Variants in ATP6V0A1 observed in about 807,000 individuals in gnomAD.
The protein encoded by ATP6V0A1 is V-type proton ATPase 116 kDa subunit a 1.
Under a neutral mutation model 105.4 loss-of-function variants are expected in ATP6V0A1, and 43 were observed. The observed-to-expected ratio is 0.41, with a 90% CI of 0.32 to 0.53. The LOEUF is 0.53. Among genes scored for constraint, ATP6V0A1 ranks in the 20% least tolerant of loss-of-function variants. The pLI, the probability that ATP6V0A1 is intolerant of heterozygous loss-of-function variation, is 0.30. For synonymous variants in ATP6V0A1, 362 were observed against 372.8 expected (o/e 0.97, Z 0.33); for missense variants, 676 against 1,051.1 (o/e 0.64, Z 4.93).
chr17:42,478,964 G>A (rs2089151084), intron 7 of ATP6V0A1: 1 of 152,174 alleles, frequency 6.6e-6, no homozygotes, highest in South Asian at 2.0e-4. Flanking sequence ...AGAGTGCAGT[G>A]GCGCGATCTC....
In ATP6V0A1 at chr17:42,467,070, C is replaced by T. The variant is rs562817623; in HGVS notation, c.196+563C>T. On this transcript the variant is annotated intron_variant, in intron 3 of 21. Transcript: ENST00000343619. The stretch of plus-strand genomic sequence containing the variant: ...GCTGAGGCTGGAGAATGGCATGGAC[C>T]CGGGAGGCAGAGCTTGCAGTGAGCT... 2.0e-5 allele frequency among the ~76,000 whole-genome samples: 3 copies of T among 152,134 alleles called. No individual in the cohort carries two copies. In the South Asian group the frequency reaches 6.2e-4, roughly 32 times the overall value.
At chr17:42,511,893 G>A (rs2092362589) in intron 19 of ATP6V0A1, among the ~76,000 whole-genome samples, 1 of 152,128 alleles carries the variant, frequency 6.6e-6, no homozygotes, top group Non-Finnish European at 1.5e-5. Flanking sequence ...AACCCGGGAG[G>A]CAGAGGTTGC....
At chr17:42,495,824 G>T in intron 14 of ATP6V0A1, 108 bp downstream of exon 14, 1 of 975,804 alleles carries the variant, frequency 1.0e-6, no homozygotes, top group Non-Finnish European at 1.6e-6. Flanking sequence ...CACTGGGCAT[G>T]GTCGCTCATG....
chr17:42,459,616 A>G (rs1037911199), intron 1 of ATP6V0A1, among the ~76,000 whole-genome samples: 9 of 152,220 alleles, frequency 5.9e-5, no homozygotes, highest in Non-Finnish European at 8.8e-5. Context: ...CTCCTGAACT[A>G]TGCTGACCAG....
intron 5 of ATP6V0A1, among the ~76,000 whole-genome samples, chr17:42,476,839 G>A (rs1303860221): frequency 6.6e-6 from 1 of 152,122 alleles, no homozygotes; most frequent in Non-Finnish European, 1.5e-5. Context: ...TTCTTGAGCT[G>A]TGTTCTCAAG....
chr17:42,521,391 T>C lies in ATP6V0A1; in HGVS notation c.*271T>C, dbSNP rs984162802. The C allele has an allele frequency of 7.1e-6, 2 of 280,154 alleles. No individual in the cohort carries two copies. The highest frequency in any genetic ancestry group is 1.3e-5 in the Non-Finnish European group (2 of 149,528). 17.4% of individuals were successfully genotyped at this position (280,154 alleles called of 1,614,324 possible). On this transcript the variant is annotated 3_prime_UTR_variant, in exon 22 of 22. Transcript: ENST00000343619. This position sits in a 1 kb window ranked among gnomAD's most constrained non-coding sequence, Gnocchi z 4.8. ...ATCCATCCAGACAGCCCTTCCCACC[T>C]CCTGGTGGTGAGCCAGTCTGCATTC...
intron 6 of ATP6V0A1, 52 bp downstream of exon 6, chr17:42,477,794 C>T (rs1170922258): frequency 6.8e-7 from 1 of 1,466,304 alleles, no homozygotes; most frequent in Non-Finnish European, 9.5e-7. Flanking sequence ...TTCATCTCTT[C>T]TGTTCAGAAG....
intron 16 of ATP6V0A1, 56 bp downstream of exon 16, chr17:42,500,979 G>T (rs1338550581): frequency 6.4e-7 from 1 of 1,551,040 alleles, no homozygotes; most frequent in Non-Finnish European, 8.9e-7. Context: ...CAGGAAGCCA[G>T]ATGTTTCTCT....
intron 15 of ATP6V0A1, among the ~76,000 whole-genome samples, chr17:42,499,288 C>T (rs982641486): frequency 6.6e-5 from 10 of 151,644 alleles, no homozygotes; most frequent in East Asian, 2.0e-4. Flanking sequence ...CTGGCCAACA[C>T]GATGAAACCC....
In ATP6V0A1 at chr17:42,462,671, C is replaced by T. The variant is rs1039556288; in HGVS notation, c.117+1660C>T. On this transcript the variant is annotated intron_variant, in intron 2 of 21. Transcript: ENST00000343619. ...CTGACCTCTGGTGATCCACCCGCCT[C>T]GGCCTCCCAAAGTGCTGGGATTACA... Among the ~76,000 whole-genome samples the T allele has an allele frequency of 4.6e-5, 7 of 152,106 alleles. No homozygotes were observed. In the East Asian group the frequency reaches 7.7e-4, roughly 17 times the overall value.
intron 11 of ATP6V0A1, 65 bp from the exon 12 acceptor site, chr17:42,494,269 T>C (rs1448231216): frequency 3.4e-6 from 5 of 1,475,104 alleles, no homozygotes; most frequent in Non-Finnish European, 4.6e-6. Flanking sequence ...GAAAAGAATG[T>C]AATATTTGTG....
rs1335228230 is a variant in ATP6V0A1 at position 42,500,713 on chromosome 17, C to T, written c.1686C>T (p.Phe562=). The T allele has an allele frequency of 6.2e-7, 1 of 1,612,202 alleles. No homozygotes were observed. The highest frequency in any genetic ancestry group is 2.2e-5 in the East Asian group (1 of 44,876). ...VSLSLFNHIY[F]KKPLNIYFGF... The stretch of plus-strand genomic sequence containing the variant: ...TTTTCTCTCTCCTTTTTAGCTATTT[C>T]AAGAAGCCCCTGAATATCTACTTTG... The change falls in exon 16 of 22, where the codon TTC becomes TTT. Residue 562 remains phenylalanine (F), a synonymous_variant. Coordinates refer to ENST00000343619, the MANE Select transcript of ATP6V0A1 (RefSeq NM_001130021.3).
chr17:42,488,758 T>A (rs2090344813), intron 10 of ATP6V0A1, among the ~76,000 whole-genome samples: 1 of 127,120 alleles, frequency 7.9e-6, no homozygotes, highest in Non-Finnish European at 1.6e-5. Flanking sequence ...CTCACTCTTG[T>A]AATCCAGCAC....
intron 17 of ATP6V0A1, among the ~76,000 whole-genome samples, chr17:42,501,644 A>G (rs1025222449): frequency 2.0e-5 from 3 of 151,712 alleles, no homozygotes; most frequent in Admixed American, 2.0e-4. Flanking sequence ...CGAACTCCTA[A>G]CCTCATGATC....
chr17:42,467,745 A>T (rs1383427525), intron 3 of ATP6V0A1, among the ~76,000 whole-genome samples: 2 of 152,252 alleles, frequency 1.3e-5, no homozygotes, highest in African/African-American at 4.8e-5. Flanking sequence ...CAGTGTTAAG[A>T]CCTGAAGAAG....
Position 42,500,894 on chromosome 17 carries a change from T to C in ATP6V0A1, c.1867T>C (p.Ser623Pro). 6.2e-7 allele frequency: 1 copy of C among 1,613,856 alleles called. No individual in the cohort carries two copies. Among genetic ancestry groups the C allele is most frequent in the South Asian group, 1.1e-5 (1 of 91,078 alleles). The change falls in exon 16 of 22, where the codon TCT becomes CCT. Residue 623 changes from serine (S) to proline (P), a missense_variant. This residue lies in a region of ATP6V0A1 where 435 missense variants were observed against 642.2 expected (regional missense o/e 0.68). Transcript: ENST00000343619. ...INMFLFSYPE[S>P]GYSMLYSGQK... ...CATGTTCCTCTTTTCCTACCCAGAG[T>C]CTGGTTATTCAATGTTGTATTCTGG...
chr17:42,480,838 T>C, intron 8 of ATP6V0A1, 89 bp downstream of exon 8: 1 of 1,203,098 alleles, frequency 8.3e-7, no homozygotes, highest in Non-Finnish European at 1.2e-6. Context: ...TACAAATCCT[T>C]TTTAGTCTAC....
In ATP6V0A1 at chr17:42,488,805, G is replaced by T. The variant is rs1020137872; in HGVS notation, c.1023+1438G>T. Among the ~76,000 whole-genome samples, 301 of 151,588 alleles carry T rather than the reference G, an allele frequency of 2.0e-3. 1 individual carries two copies. The highest frequency in any genetic ancestry group is 6.9e-3 in the African/African-American group (285 of 41,428). ...GAGGCGGGTCATCACTTGAGGTCAGGAGTTTGAGACCAGCCTGGCCAACAT... is the reference window on the plus strand; with the variant it reads ...GAGGCGGGTCATCACTTGAGGTCAGTAGTTTGAGACCAGCCTGGCCAACAT... On this transcript the variant is annotated intron_variant, in intron 10 of 21. Transcript: ENST00000343619.
rs1435654248 is a variant in ATP6V0A1 at position 42,495,674 on chromosome 17, C to A, written c.1518C>A (p.Leu506=). The A allele has an allele frequency of 6.2e-7, 1 of 1,614,084 alleles. No individual in the cohort carries two copies. Among genetic ancestry groups the A allele is most frequent in the Admixed American group, 1.7e-5 (1 of 60,002 alleles). Residue 506 remains leucine (L), a synonymous_variant, in exon 14 of 22, where the codon CTC becomes CTA. Transcript: ENST00000343619. ...CTGTTCTACAGCTGAACCCAGCCCT[C>A]CCTGGAGTGTTTGGTGGACCATACC... ...GNPVLQLNPA[L]PGVFGGPYPF...
Sources: allele counts gnomAD v4.1 joint callset (sites outside exome capture counted in the v4.1 genomes callset), GRCh38; gene constraint gnomAD v4.1.1; regional missense constraint gnomAD v4.1.1; non-coding constraint Gnocchi (gnomAD v3.1); transcripts MANE v1.5; gene names NCBI Gene and HGNC (gene_info 2026-07-23, HGNC 2026-07-21).